The following SREBF2 variants were observed in gnomAD, a reference collection of about 807,000 sequenced individuals.
SREBF2 encodes sterol regulatory element binding transcription factor 2.
Under a neutral mutation model 113.1 loss-of-function variants are expected in SREBF2, and 55 were observed. The observed-to-expected ratio is 0.49, with a 90% CI of 0.39 to 0.61. SREBF2 has a LOEUF of 0.61. Among genes scored for constraint, SREBF2 ranks in the 20% least tolerant of loss-of-function variants. The probability of loss-of-function intolerance (pLI) is 0.00; values close to 1 mark genes in which losing one functional copy is unlikely to be tolerated. For synonymous variants in SREBF2, 593 were observed against 605.7 expected (o/e 0.98, Z 0.31); for missense variants, 1,349 against 1,487.4 (o/e 0.91, Z 1.53).
At chr22:41,881,075 C>T in intron 10 of SREBF2, 83 bp downstream of exon 10, 1 of 1,537,228 alleles carries the variant, frequency 6.5e-7, no homozygotes, top group Non-Finnish European at 8.8e-7. Context: ...GCCAGTTCTG[C>T]ACCCTAGCTG....
At chr22:41,850,496 C>CACAGCCCCA (rs2076918105) in intron 1 of SREBF2, among the ~76,000 whole-genome samples, 1 of 151,750 alleles carries the variant, frequency 6.6e-6, no homozygotes, top group Non-Finnish European at 1.5e-5. Flanking sequence ...TGCCCCTCCA[C>CACAGCCCCA]ACAGCCCCAA....
At chr22:41,841,561 C>T (rs2267438) in intron 1 of SREBF2, among the ~76,000 whole-genome samples, 111,854 of 152,152 alleles carry the variant, frequency 0.74, 41,555 homozygotes, top group Admixed American at 0.81. Flanking sequence ...TTCTTGAATG[C>T]TGCTTGCCTC....
intron 1 of SREBF2, among the ~76,000 whole-genome samples, chr22:41,853,757 C>A (rs963835238): frequency 6.6e-6 from 1 of 152,120 alleles, no homozygotes; most frequent in Non-Finnish European, 1.5e-5. Context: ...CATGATCGGT[C>A]AGGTGCAGTG....
rs544512447 is a variant in SREBF2 at position 41,862,286 on chromosome 22, G to A, written c.89-4545G>A. ...GTCATGGGGCTGCTTGCAATGCACG[G>A]ATGATAACAGGAACCTCTAATTTTG... is the stretch of plus-strand genomic sequence containing the variant. On this transcript the variant is annotated intron_variant, in intron 1 of 18. Coordinates refer to ENST00000361204, the MANE Select transcript of SREBF2 (RefSeq NM_004599.4). Among the ~76,000 whole-genome samples the A allele has an allele frequency of 4.6e-5, 7 of 152,316 alleles. No homozygotes were observed. In the South Asian group the frequency reaches 1.5e-3, roughly 32 times the overall value.
chr22:41,857,127 A>G (rs895096123), intron 1 of SREBF2, among the ~76,000 whole-genome samples: 15 of 152,122 alleles, frequency 9.9e-5, no homozygotes, highest in Non-Finnish European at 2.1e-4. Context: ...CAAGATACTC[A>G]AAGAAGATGT....
In SREBF2 at chr22:41,867,262, G is replaced by A; in HGVS notation, c.520G>A (p.Ala174Thr). The change falls in exon 2 of 19, where the codon GCA (alanine) becomes ACA (threonine). Residue 174 changes from alanine (A) to threonine (T), a missense_variant. Around this residue, in one of 2 missense-constraint regions of SREBF2, gnomAD observed 699 missense variants for 843.3 expected, o/e 0.83. Transcript: ENST00000361204. ...IIQQPLIYQN[A>T]ATSFQVLQPQ... Reference sequence around the variant, plus strand: ...CCAGCAGCCTTTGATATACCAGAATGCAGCTACTAGCTTTCAAGGTGATTC... The same window carrying A: ...CCAGCAGCCTTTGATATACCAGAATACAGCTACTAGCTTTCAAGGTGATTC... The A allele has an allele frequency of 6.2e-7, 1 of 1,614,218 alleles. No homozygotes were observed. The highest frequency in any genetic ancestry group is 8.5e-7 in the Non-Finnish European group (1 of 1,180,030).
At chr22:41,840,779 CT>C (rs1430567380) in intron 1 of SREBF2, among the ~76,000 whole-genome samples, 3 of 152,116 alleles carry the variant, frequency 2.0e-5, no homozygotes, top group African/African-American at 7.2e-5. Flanking sequence ...GACAACGTGC[CT>C]TGATGTGACT....
rs2077511644 is a variant in SREBF2 at position 41,906,646 on chromosome 22, T to TGATG, written c.*988_*991dup. 1 of 152,334 alleles carries TGATG rather than the reference T, an allele frequency of 6.6e-6. No individual in the cohort carries two copies. Among genetic ancestry groups the TGATG allele is most frequent in the Admixed American group, 6.5e-5 (1 of 15,296 alleles). 9.4% of individuals were successfully genotyped at this position (152,334 alleles called of 1,614,324 possible). ...TTGTGACTTAGGATATTTTCATTTATGATGGGTTTATCAGGAAGTAACCCC... is the reference window on the plus strand; with the variant it reads ...TTGTGACTTAGGATATTTTCATTTATGATGGATGGGTTTATCAGGAAGTAACCCC... On this transcript the variant is annotated 3_prime_UTR_variant, in exon 19 of 19. Transcript: ENST00000361204.
chr22:41,864,042 G>T (rs1188767370), intron 1 of SREBF2, among the ~76,000 whole-genome samples: 1 of 149,900 alleles, frequency 6.7e-6, no homozygotes, highest in South Asian at 2.1e-4. Flanking sequence ...CCACCACCAT[G>T]CCTGGCTAAT....
intron 16 of SREBF2, among the ~76,000 whole-genome samples, chr22:41,901,489 C>G (rs1160127334): frequency 6.6e-6 from 1 of 152,158 alleles, no homozygotes; most frequent in Non-Finnish European, 1.5e-5. Flanking sequence ...GGTGAAACCC[C>G]GTTTGTACTA....
chr22:41,887,243 A>G (rs1347637226), intron 11 of SREBF2, among the ~76,000 whole-genome samples: 1 of 152,178 alleles, frequency 6.6e-6, no homozygotes, highest in African/African-American at 2.4e-5. Flanking sequence ...AGATTACAAT[A>G]TGCATGTCAA....
rs769811734 is a variant in SREBF2, at chr22:41,843,844, TA to T, written c.88+10500del. 5.0e-3 allele frequency among the ~76,000 whole-genome samples: 685 copies of T among 137,882 alleles called. 1 individual carries two copies. The highest frequency in any genetic ancestry group is 4.2e-3 in the African/African-American group (157 of 37,524). 90.5% of individuals were successfully genotyped at this position (137,882 alleles called of 152,430 possible). A position where few individuals can be genotyped will look rare whatever the true frequency, so the allele number is the denominator to read the frequency against. ...ACAACATAGTGAGACCCCATTTCTG[TA>T]AAAAAAAAAAAAATACAAAAATTAG... is the stretch of plus-strand genomic sequence containing the variant. On this transcript the variant is annotated intron_variant, in intron 1 of 18. Transcript: ENST00000361204.
In SREBF2 at chr22:41,898,798, G is replaced by A. The variant is rs2077438900; in HGVS notation, c.2738+17G>A. On this transcript the variant is annotated intron_variant, in intron 15 of 18. Transcript: ENST00000361204. ...AGTGACAGAGTGCGTAACCCTCCTT[G>A]GCCACTCACTTGCTTCTCTCCAGGG... The A allele has an allele frequency of 6.2e-7, 1 of 1,613,616 alleles. No homozygotes were observed.
chr22:41,864,279 CACACAA>C (rs1569386164), intron 1 of SREBF2, among the ~76,000 whole-genome samples: 3 of 126,946 alleles, frequency 2.4e-5, no homozygotes, highest in Non-Finnish European at 4.9e-5. Context: ...CACACACACA[CACACAA>C]AATATCAAAA....
intron 15 of SREBF2, chr22:41,899,971 G>A (rs1030227860): frequency 1.4e-5 from 17 of 1,203,900 alleles, no homozygotes; most frequent in South Asian, 3.3e-5. Flanking sequence ...CTCTGGGGGG[G>A]TGGTCCCTTA....
In SREBF2 at chr22:41,885,021, C is replaced by T. The variant is rs1202881537; in HGVS notation, c.2208+10C>T. The T allele has an allele frequency of 1.3e-5, 21 of 1,613,832 alleles. No homozygotes were observed. Among genetic ancestry groups the T allele is most frequent in the Non-Finnish European group, 1.8e-5 (21 of 1,179,946 alleles). Reference sequence around the variant, plus strand: ...GCTGGGCTTCCTGGCCGTGAGTACCCTTCGGTTCCCTTCTGTAAACCTCCC... The same window carrying T: ...GCTGGGCTTCCTGGCCGTGAGTACCTTTCGGTTCCCTTCTGTAAACCTCCC... On this transcript the variant is annotated intron_variant, in intron 11 of 18. Transcript: ENST00000361204.
Position 41,907,047 on chromosome 22 carries a change from T to A in SREBF2, c.*1387T>A, listed in dbSNP as rs935566599. 3.3e-5 allele frequency: 5 copies of A among 152,228 alleles called. No homozygotes were observed. The highest frequency in any genetic ancestry group is 1.2e-4 in the African/African-American group (5 of 41,426). 9.4% of individuals were successfully genotyped at this position (152,228 alleles called of 1,614,324 possible). ...ACAGCAGGGCCACCTTGATGCAGGC[T>A]GGAATGTTATCCCTGGGGTGTGCTT... On this transcript the variant is annotated 3_prime_UTR_variant, in exon 19 of 19. Transcript: ENST00000361204.
chr22:41,871,855 C>T (rs977115233), intron 4 of SREBF2, among the ~76,000 whole-genome samples: 2 of 149,628 alleles, frequency 1.3e-5, no homozygotes, highest in East Asian at 2.0e-4. Flanking sequence ...GCCGAGATCG[C>T]ACCACTGCAC....
At chr22:41,849,743 C>T (rs2076909771) in intron 1 of SREBF2, among the ~76,000 whole-genome samples, 1 of 152,160 alleles carries the variant, frequency 6.6e-6, no homozygotes, top group Admixed American at 6.5e-5. Flanking sequence ...TTGTAAAATA[C>T]AGCCAGTCAA....
Sources: allele counts gnomAD v4.1 joint callset (sites outside exome capture counted in the v4.1 genomes callset), GRCh38; gene constraint gnomAD v4.1.1; regional missense constraint gnomAD v4.1.1; transcripts MANE v1.5; gene names NCBI Gene and HGNC (gene_info 2026-07-23, HGNC 2026-07-21).